PDZD2: variants seen among roughly 807,000 people sequenced by gnomAD.
The protein encoded by PDZD2 is PDZ domain-containing protein 2.
In PDZD2, 90 loss-of-function variants were observed where a neutral mutation model predicts 220.7. That is an observed-to-expected ratio of 0.41 (90% CI 0.34 to 0.49). The LOEUF is 0.49. Among genes scored for constraint, PDZD2 ranks in the 20% least tolerant of loss-of-function variants. PDZD2 has a pLI of 0.28. For missense variants in PDZD2, 3,174 were observed against 3,608.5 expected (o/e 0.88, Z 3.08); for synonymous variants, 1,375 against 1,450.5 (o/e 0.95, Z 1.18).
chr5:31,911,424 GATGCCACCAT>G (rs889100676), intron 2 of PDZD2, among the ~76,000 whole-genome samples: 1 of 152,174 alleles, frequency 6.6e-6, no homozygotes, highest in African/African-American at 2.4e-5. Context: ...CTGTTCTGTG[GATGCCACCAT>G]GTGGCTTCAC....
intron 1 of PDZD2, among the ~76,000 whole-genome samples, chr5:31,666,449 A>G (rs147437569): frequency 4.4e-4 from 67 of 152,372 alleles, no homozygotes; most frequent in African/African-American, 1.5e-3. Flanking sequence ...CTCAAGGGAA[A>G]GCGCCTTTTG....
chr5:31,990,603 C>A (rs892318440), intron 3 of PDZD2, among the ~76,000 whole-genome samples: 1 of 152,176 alleles, frequency 6.6e-6, no homozygotes, highest in African/African-American at 2.4e-5. Context: ...TAACCTCAGT[C>A]GCAAGGACCA....
intron 2 of PDZD2, among the ~76,000 whole-genome samples, chr5:31,960,942 G>A (rs1456396494): frequency 6.6e-6 from 1 of 152,122 alleles, no homozygotes; most frequent in Non-Finnish European, 1.5e-5. Context: ...TGTAGGGACC[G>A]ACTGACTTAT....
chr5:32,006,681 CTT>C (rs76703572), intron 5 of PDZD2, among the ~76,000 whole-genome samples: 4,448 of 116,492 alleles, frequency 0.038, 299 homozygotes, highest in African/African-American at 0.16. Flanking sequence ...GGCTCAACAC[CTT>C]TTTTTTTTTT....
At chr5:31,840,810 C>A (rs1279762056) in intron 2 of PDZD2, 9 of 763,368 alleles carry the variant, frequency 1.2e-5, no homozygotes, top group East Asian at 2.4e-5. Context: ...ATGGTGACAC[C>A]TGTGGGGCGT....
chr5:32,104,612 C>T (rs1744562574), intron 24 of PDZD2, among the ~76,000 whole-genome samples: 1 of 146,546 alleles, frequency 6.8e-6, no homozygotes, highest in Admixed American at 7.1e-5. Context: ...CCCAGCTACT[C>T]AGGAGGCTGA....
intron 2 of PDZD2, among the ~76,000 whole-genome samples, chr5:31,815,948 T>C (rs1755422255): frequency 6.6e-6 from 1 of 152,172 alleles, no homozygotes; most frequent in Non-Finnish European, 1.5e-5. Context: ...AGAGGTTTGA[T>C]GTTTATTTCT....
intron 14 of PDZD2, among the ~76,000 whole-genome samples, chr5:32,062,831 A>G (rs157501): frequency 0.34 from 51,680 of 151,816 alleles, 9,085 homozygotes; most frequent in East Asian, 0.55. Flanking sequence ...ACATTTTCCA[A>G]TACTGGTTTT....
At chr5:31,729,099 C>CTTTTTT (rs10650811) in intron 1 of PDZD2, among the ~76,000 whole-genome samples, 14 of 123,684 alleles carry the variant, frequency 1.1e-4, no homozygotes, top group African/African-American at 3.1e-4. Context: ...TGATCGAAAT[C>CTTTTTT]TTTTTTTTTT....
At chr5:32,068,645 T>C (rs1740439719) in intron 14 of PDZD2, among the ~76,000 whole-genome samples, 1 of 152,244 alleles carries the variant, frequency 6.6e-6, no homozygotes, top group Non-Finnish European at 1.5e-5. Flanking sequence ...ATGCAGTATT[T>C]AGTCAAACTG....
At chr5:31,975,409 T>A (rs1393213016) in intron 2 of PDZD2, among the ~76,000 whole-genome samples, 2 of 152,138 alleles carry the variant, frequency 1.3e-5, no homozygotes, top group African/African-American at 2.4e-5. Context: ...TTCAGTTACC[T>A]CCCACCAGGT....
At chr5:31,886,791 G>A (rs551070531) in intron 2 of PDZD2, among the ~76,000 whole-genome samples, 56 of 151,750 alleles carry the variant, frequency 3.7e-4, no homozygotes, top group African/African-American at 1.1e-3. Flanking sequence ...TCCGCCTCCC[G>A]GGTTCACGCC....
chr5:31,723,712 A>C (rs1307072928), intron 1 of PDZD2, among the ~76,000 whole-genome samples: 1 of 151,968 alleles, frequency 6.6e-6, no homozygotes, highest in Admixed American at 6.6e-5. Flanking sequence ...CCGCCTCCCC[A>C]GTTCAAGTGA....
intron 2 of PDZD2, among the ~76,000 whole-genome samples, chr5:31,842,137 G>A (rs1757348778): frequency 6.6e-6 from 1 of 152,156 alleles, no homozygotes; most frequent in Admixed American, 6.6e-5. Flanking sequence ...AGCTTGATAA[G>A]CCTTTTTGTA....
intron 5 of PDZD2, among the ~76,000 whole-genome samples, chr5:32,001,559 C>T (rs1752106629): frequency 6.6e-6 from 1 of 152,232 alleles, no homozygotes; most frequent in Admixed American, 6.5e-5. Flanking sequence ...CCTGCCGCCT[C>T]TTCTCCACGG....
chr5:31,881,658 G>A (rs1344385992), intron 2 of PDZD2, among the ~76,000 whole-genome samples: 6 of 149,420 alleles, frequency 4.0e-5, no homozygotes, highest in African/African-American at 5.0e-5. Flanking sequence ...AATTACAGGC[G>A]TGAGCCACTG....
intron 2 of PDZD2, among the ~76,000 whole-genome samples, chr5:31,808,052 G>GA (rs1362235087): frequency 6.6e-6 from 1 of 152,174 alleles, no homozygotes; most frequent in African/African-American, 2.4e-5. Context: ...GTGTTACTTG[G>GA]AAAAATGACT....
intron 6 of PDZD2, among the ~76,000 whole-genome samples, chr5:32,018,245 A>G (rs1753925102): frequency 6.6e-6 from 1 of 152,112 alleles, no homozygotes; most frequent in South Asian, 2.1e-4. Context: ...AGGGCCCAGG[A>G]GTCTGTGTTT....
chr5:31,763,932 C>T (rs1257520404), intron 1 of PDZD2, among the ~76,000 whole-genome samples: 2 of 150,546 alleles, frequency 1.3e-5, no homozygotes, highest in Non-Finnish European at 2.9e-5. Context: ...TGAGCTCGGG[C>T]TCTGACTTGA....
Sources: allele counts gnomAD v4.1 joint callset (sites outside exome capture counted in the v4.1 genomes callset), GRCh38; gene constraint gnomAD v4.1.1; transcripts MANE v1.5; gene names NCBI Gene and HGNC (gene_info 2026-07-23, HGNC 2026-07-21).